PTPRM: variants seen among roughly 807,000 people sequenced by gnomAD.
The protein encoded by PTPRM is protein tyrosine phosphatase receptor type M.
PTPRM carries 47 observed loss-of-function variants against 186.7 expected under a neutral mutation model. The observed-to-expected ratio is 0.25, with a 90% CI of 0.20 to 0.32. The LOEUF (loss-of-function observed/expected upper bound fraction) is 0.32, where lower values mean the gene tolerates loss of function less well. Ranked by LOEUF, PTPRM falls within the 10% of genes least tolerant of loss-of-function variation. PTPRM has a pLI of 1.00. For synonymous variants in PTPRM, 668 were observed against 674.9 expected (o/e 0.99, Z 0.16); for missense variants, 1,494 against 1,865.0 (o/e 0.80, Z 3.66).
intron 13 of PTPRM, among the ~76,000 whole-genome samples, chr18:8,121,023 A>G (rs576661677): frequency 2.6e-5 from 4 of 152,352 alleles, no homozygotes; most frequent in Admixed American, 2.6e-4. Flanking sequence ...AAAATTGCAT[A>G]ATACGTCATA....
chr18:7,653,825 A>G (rs2038783511), intron 1 of PTPRM, among the ~76,000 whole-genome samples: 1 of 152,174 alleles, frequency 6.6e-6, no homozygotes, highest in Non-Finnish European at 1.5e-5. Flanking sequence ...TCCTCTGGGT[A>G]TATACCCAGT....
chr18:8,095,528 A>G (rs773303279), intron 11 of PTPRM, among the ~76,000 whole-genome samples: 1 of 152,140 alleles, frequency 6.6e-6, no homozygotes, highest in Non-Finnish European at 1.5e-5. Flanking sequence ...CTCCATACCA[A>G]TAAGTAGCCA....
intron 1 of PTPRM, among the ~76,000 whole-genome samples, chr18:7,757,125 G>C (rs1003481973): frequency 6.6e-6 from 1 of 152,164 alleles, no homozygotes; most frequent in African/African-American, 2.4e-5. Flanking sequence ...CAGCTTCCCA[G>C]CTACACCTTA....
intron 7 of PTPRM, among the ~76,000 whole-genome samples, chr18:7,990,848 G>C (rs2083231201): frequency 6.6e-6 from 1 of 152,194 alleles, no homozygotes; most frequent in Admixed American, 6.5e-5. Context: ...ACGGGGGATG[G>C]GTGGATTGCA....
chr18:8,343,419 G>A lies in PTPRM; in HGVS notation c.2957-4G>A. ...CAAAAAGTTTCTGTTGTGTTTTGCT[G>A]CAGGGCCAATGCAGGAAACCATCTA... On this transcript the variant is annotated splice_polypyrimidine_tract_variant and splice_region_variant and intron_variant, in intron 22 of 32. Transcript: ENST00000580170. 1 of 1,611,234 alleles carries A rather than the reference G, an allele frequency of 6.2e-7. No individual in the cohort carries two copies. The highest frequency in any genetic ancestry group is 8.5e-7 in the Non-Finnish European group (1 of 1,179,148).
rs527388390 is a variant in PTPRM, at chr18:7,591,428, T to C, written c.73+23537T>C. Among the ~76,000 whole-genome samples, 8 of 152,276 alleles carry C rather than the reference T, an allele frequency of 5.3e-5. No homozygotes were observed. In the South Asian group the frequency reaches 1.7e-3, roughly 32 times the overall value. On this transcript the variant is annotated intron_variant, in intron 1 of 32. Coordinates refer to ENST00000580170, the MANE Select transcript of PTPRM (RefSeq NM_001105244.2). ...AGGCTAACAAGTGAGTCTGGGCCAC[T>C]AATTGATATCCCTAAGTCCCCTACT...
chr18:8,093,300 A>T (rs1271869807), intron 11 of PTPRM, among the ~76,000 whole-genome samples: 1 of 152,094 alleles, frequency 6.6e-6, no homozygotes, highest in African/African-American at 2.4e-5. Flanking sequence ...AAATGAGGTG[A>T]TATTATTTAA....
intron 23 of PTPRM, chr18:8,364,970 T>G (rs918694586): frequency 1.3e-5 from 2 of 152,158 alleles, no homozygotes; most frequent in Non-Finnish European, 2.9e-5. Context: ...GGAGGCAGAG[T>G]AGAAACGCAG....
intron 11 of PTPRM, among the ~76,000 whole-genome samples, chr18:8,092,821 CAAAA>C (rs1256653662): frequency 6.6e-6 from 1 of 152,022 alleles, no homozygotes; most frequent in East Asian, 1.9e-4. Flanking sequence ...AATTAAAAAA[CAAAA>C]ACAAACAAAC....
intron 1 of PTPRM, among the ~76,000 whole-genome samples, chr18:7,701,584 G>A (rs1425165089): frequency 6.6e-6 from 1 of 152,044 alleles, no homozygotes; most frequent in Non-Finnish European, 1.5e-5. Flanking sequence ...TGGTGACAGA[G>A]GGAGACTCGT....
intron 1 of PTPRM, chr18:7,747,683 ACT>A (rs1482056805): frequency 6.6e-6 from 1 of 151,866 alleles, no homozygotes; most frequent in Non-Finnish European, 1.5e-5. Context: ...TTGTGTCTAA[ACT>A]CCACCTTGTA....
At chr18:7,945,302 A>C (rs2052448845) in intron 5 of PTPRM, among the ~76,000 whole-genome samples, 3 of 151,754 alleles carry the variant, frequency 2.0e-5, no homozygotes, top group African/African-American at 7.3e-5. Context: ...AAATACAAAA[A>C]AAAAAAAAAA....
chr18:8,069,805 C>A lies in PTPRM; in HGVS notation c.1252C>A (p.His418Asn), dbSNP rs1459501174. The change falls in exon 8 of 33, where the codon CAC becomes AAC. Residue 418 changes from histidine (H) to asparagine (N), a missense_variant. Transcript: ENST00000580170. ...TRCHSYNLTV[H>N]YCYQVGGQEQ... Reference sequence around the variant, plus strand: ...TTGCCACAGTTATAATCTCACTGTCCACTACTGTTACCAAGTTGGAGGACA... The same window carrying A: ...TTGCCACAGTTATAATCTCACTGTCAACTACTGTTACCAAGTTGGAGGACA... 1.2e-6 allele frequency: 2 copies of A among 1,614,050 alleles called. No homozygotes were observed. The highest frequency in any genetic ancestry group is 8.5e-7 in the Non-Finnish European group (1 of 1,179,942).
chr18:8,102,624 T>G (rs1166228901), intron 11 of PTPRM, among the ~76,000 whole-genome samples: 1 of 152,210 alleles, frequency 6.6e-6, no homozygotes, highest in African/African-American at 2.4e-5. Context: ...TTCTAGTTGT[T>G]CTTTCCACCA....
chr18:7,693,181 G>A (rs780740511), intron 1 of PTPRM, among the ~76,000 whole-genome samples: 14 of 152,180 alleles, frequency 9.2e-5, no homozygotes, highest in Admixed American at 3.9e-4. Flanking sequence ...TTAAGTGAGG[G>A]AGACTGATCT....
intron 1 of PTPRM, among the ~76,000 whole-genome samples, chr18:7,678,980 A>T (rs1167296599): frequency 6.6e-6 from 1 of 152,224 alleles, no homozygotes; most frequent in Non-Finnish European, 1.5e-5. Flanking sequence ...CCCCAAAGGA[A>T]GTACAGTTCT....
intron 23 of PTPRM, among the ~76,000 whole-genome samples, chr18:8,346,603 T>TATTCA (rs1178053879): frequency 2.0e-5 from 3 of 152,182 alleles, no homozygotes; most frequent in African/African-American, 7.2e-5. Flanking sequence ...CATAACAGCC[T>TATTCA]GCTTAATGGG....
chr18:8,202,853 T>C (rs572860384), intron 14 of PTPRM, among the ~76,000 whole-genome samples: 1 of 152,114 alleles, frequency 6.6e-6, no homozygotes, highest in African/African-American at 2.4e-5. Context: ...TTCTTTCTAT[T>C]TGAAAAGCCT....
chr18:8,001,820 A>G (rs577248928), intron 7 of PTPRM, among the ~76,000 whole-genome samples: 1 of 152,316 alleles, frequency 6.6e-6, no homozygotes, highest in South Asian at 2.1e-4. Flanking sequence ...GAAAGCCTAC[A>G]GGCAGAAGGC....
Sources: gnomAD v4.1 joint callset for allele counts (sites outside exome capture counted in the v4.1 genomes callset) on GRCh38, gnomAD v4.1.1 for gene constraint, MANE v1.5 for transcripts, NCBI Gene and HGNC (gene_info 2026-07-23, HGNC 2026-07-21) for gene names.